Variants in NWD2 observed in about 807,000 individuals in gnomAD.
The protein encoded by NWD2 is NACHT and WD repeat domain containing 2.
NWD2 carries 37 observed loss-of-function variants against 132.7 expected under a neutral mutation model. That is an observed-to-expected ratio of 0.28 (90% CI 0.21 to 0.37). NWD2 has a LOEUF of 0.37. Among genes scored for constraint, NWD2 ranks in the 10% least tolerant of loss-of-function variants. The probability of loss-of-function intolerance (pLI) is 1.00; values close to 1 mark genes in which losing one functional copy is unlikely to be tolerated. For missense variants in NWD2, 1,592 were observed against 2,122.4 expected, an observed-to-expected ratio of 0.75 and a Z score of 4.91; for synonymous variants, 705 against 803.0, an observed-to-expected ratio of 0.88 and a Z score of 2.06.
At chr4:37,352,221 C>T (rs972748548) in intron 2 of NWD2, among the ~76,000 whole-genome samples, 2 of 152,106 alleles carry the variant, frequency 1.3e-5, no homozygotes, top group Non-Finnish European at 2.9e-5. Context: ...GAGTTCAAGT[C>T]CTGAATATCC....
chr4:37,273,697 C>CA (rs772719951), intron 1 of NWD2, among the ~76,000 whole-genome samples: 1 of 152,076 alleles, frequency 6.6e-6, no homozygotes, highest in African/African-American at 2.4e-5. Flanking sequence ...CACTCCTCAG[C>CA]AAATGTAAAA....
chr4:37,366,632 TGA>T, intron 3 of NWD2, among the ~76,000 whole-genome samples: 1 of 152,194 alleles, frequency 6.6e-6, no homozygotes, highest in East Asian at 1.9e-4. Flanking sequence ...ATAAATCGGC[TGA>T]GAGTAAAATG....
rs191578124 is a variant in NWD2 at position 37,254,775 on chromosome 4, A to G, written c.151+9557A>G. 3.1e-3 allele frequency among the ~76,000 whole-genome samples: 478 copies of G among 152,368 alleles called. 3 individuals are homozygous for G. Among genetic ancestry groups the G allele is most frequent in the Non-Finnish European group, 3.5e-3 (240 of 68,030 alleles). ...GCAGCTTGGATGCAATTCAAAGAGA[A>G]TAATACCCCCCTTCTAATGAAATAC... is the stretch of plus-strand genomic sequence containing the variant. On this transcript the variant is annotated intron_variant, in intron 1 of 6. Coordinates refer to ENST00000309447, the MANE Select transcript of NWD2 (RefSeq NM_001144990.2).
intron 3 of NWD2, among the ~76,000 whole-genome samples, chr4:37,381,871 A>G (rs2109308740): frequency 6.6e-6 from 1 of 152,380 alleles, no homozygotes; most frequent in Middle Eastern, 3.4e-3. Flanking sequence ...GAAGTAGTTA[A>G]GTCACATTTC....
chr4:37,299,710 G>T lies in NWD2; in HGVS notation c.152-26226G>T, dbSNP rs145525497. Among the ~76,000 whole-genome samples, 160 of 152,248 alleles carry T rather than the reference G, an allele frequency of 1.1e-3. 2 individuals carry two copies. The highest frequency in any genetic ancestry group is 3.8e-3 in the African/African-American group (156 of 41,558). On this transcript the variant is annotated intron_variant, in intron 1 of 6. Transcript: ENST00000309447. ...TGGTGAATTACTCTAATGTGGGCAG[G>T]TGAACCAGGTACAAGTAATCCCCTC...
chr4:37,352,450 T>C (rs1719789522), intron 2 of NWD2, among the ~76,000 whole-genome samples: 1 of 152,138 alleles, frequency 6.6e-6, no homozygotes, highest in African/African-American at 2.4e-5. Context: ...CTGTCTAATA[T>C]TGACAGAGGG....
intron 2 of NWD2, among the ~76,000 whole-genome samples, chr4:37,330,167 G>A (rs60526993): frequency 0.19 from 28,463 of 151,954 alleles, 2,775 homozygotes; most frequent in South Asian, 0.32. Context: ...TTTTTCATTT[G>A]AACTAAGATA....
intron 1 of NWD2, among the ~76,000 whole-genome samples, chr4:37,322,872 AT>A (rs1344224367): frequency 6.6e-6 from 1 of 152,086 alleles, no homozygotes; most frequent in Admixed American, 6.6e-5. Flanking sequence ...AGATAATTCA[AT>A]TTTTTTTATT....
At chr4:37,413,111 A>G (rs1292333500) in intron 3 of NWD2, among the ~76,000 whole-genome samples, 1 of 152,222 alleles carries the variant, frequency 6.6e-6, no homozygotes, top group Non-Finnish European at 1.5e-5. Context: ...AAAAGCCAAA[A>G]TTGACAAATG....
chr4:37,412,651 C>CA (rs35432448), intron 3 of NWD2, among the ~76,000 whole-genome samples: 83,934 of 151,640 alleles, frequency 0.55, 24,223 homozygotes, highest in East Asian at 0.75. Flanking sequence ...CATGTGGAAA[C>CA]AAAAATAGCC....
chr4:37,400,757 A>G (rs1720882082), intron 3 of NWD2, among the ~76,000 whole-genome samples: 1 of 152,254 alleles, frequency 6.6e-6, no homozygotes, highest in Admixed American at 6.5e-5. Flanking sequence ...AGAATTGGAA[A>G]AGCCAGATGG....
chr4:37,254,745 A>T (rs924731558), intron 1 of NWD2, among the ~76,000 whole-genome samples: 4 of 152,238 alleles, frequency 2.6e-5, no homozygotes, highest in African/African-American at 9.6e-5. Context: ...AAAAGATGAA[A>T]AACTGCAGCT....
At chr4:37,318,160 G>A (rs1718997373) in intron 1 of NWD2, among the ~76,000 whole-genome samples, 1 of 151,824 alleles carries the variant, frequency 6.6e-6, no homozygotes, top group Non-Finnish European at 1.5e-5. Flanking sequence ...AAATAGCTGG[G>A]ATTACAGGCA....
At chr4:37,433,268 G>A (rs976213434) in intron 4 of NWD2, among the ~76,000 whole-genome samples, 3 of 151,972 alleles carry the variant, frequency 2.0e-5, no homozygotes, top group African/African-American at 7.3e-5. Flanking sequence ...ATGATCTGGG[G>A]GATTTTCTCA....
intron 1 of NWD2, among the ~76,000 whole-genome samples, chr4:37,259,041 C>T (rs1367945194): frequency 6.6e-6 from 1 of 152,174 alleles, no homozygotes; most frequent in African/African-American, 2.4e-5. Context: ...TCTGCTAGCA[C>T]CTGCACCTGC....
chr4:37,327,549 C>G (rs1260700856), intron 2 of NWD2, among the ~76,000 whole-genome samples: 2 of 152,056 alleles, frequency 1.3e-5, no homozygotes, highest in African/African-American at 4.8e-5. Context: ...CTGAACCTGC[C>G]TATCCTTCAG....
intron 1 of NWD2, among the ~76,000 whole-genome samples, chr4:37,309,406 C>G (rs1287194138): frequency 6.6e-6 from 1 of 152,022 alleles, no homozygotes; most frequent in Non-Finnish European, 1.5e-5. Context: ...GCCTCAGGTG[C>G]TGAGTTCACA....
intron 1 of NWD2, among the ~76,000 whole-genome samples, chr4:37,268,928 A>C (rs1472501873): frequency 6.6e-6 from 1 of 151,930 alleles, no homozygotes; most frequent in African/African-American, 2.4e-5. Context: ...GCCAAAGGTT[A>C]TTTGACACAT....
rs1479774 is a variant in NWD2 at position 37,330,465 on chromosome 4, C to T, written c.240+4441C>T. On this transcript the variant is annotated intron_variant, in intron 2 of 6. Transcript: ENST00000309447. ...AGTAAAGACAGACTGGGGAGAAAGC[C>T]GGTGGTGCAAAACAGATAAAATAAA... is the stretch of plus-strand genomic sequence containing the variant. Among the ~76,000 whole-genome samples, 23 of 152,034 alleles carry T rather than the reference C, an allele frequency of 1.5e-4. 1 individual carries two copies. The highest frequency in any genetic ancestry group is 4.8e-5 in the African/African-American group (2 of 41,386).
Sources: allele counts gnomAD v4.1 joint callset (sites outside exome capture counted in the v4.1 genomes callset), GRCh38; gene constraint gnomAD v4.1.1; transcripts MANE v1.5; gene names NCBI Gene and HGNC (gene_info 2026-07-23, HGNC 2026-07-21).